The following VASN variants were observed in gnomAD, a reference collection of about 807,000 sequenced individuals.
VASN encodes protein slit-like 2.
In VASN, 5 loss-of-function variants were observed where a neutral mutation model predicts 4.8. The observed-to-expected ratio is 1.03, with a 90% CI of 0.54 to 2.17. The LOEUF (loss-of-function observed/expected upper bound fraction) is 2.17. Among genes scored for constraint, VASN ranks in the 30% most tolerant of loss-of-function variants. The probability of loss-of-function intolerance (pLI) is 0.01; values close to 1 mark genes in which losing one functional copy is unlikely to be tolerated. For missense variants in VASN, 927 were observed against 948.8 expected (o/e 0.98, Z 0.30); for synonymous variants, 499 against 460.8 (o/e 1.08, Z -1.06).
rs767568822 is a variant in VASN at position 4,382,164 on chromosome 16, G to A, written c.1287G>A (p.Ala429=). The change falls in exon 2 of 2, where the codon GCG becomes GCA. Residue 429 remains alanine (A), a synonymous_variant. Coordinates refer to ENST00000304735, the MANE Select transcript of VASN (RefSeq NM_138440.3). The stretch of plus-strand genomic sequence containing the variant: ...ACCTGGGGACACGGCACCACCTGGC[G>A]TGCTTGTGCCCCGAAGGCTTCACGG... ...TCHLGTRHHL[A]CLCPEGFTGL... is the part of the protein sequence containing the mutation. 10 of 1,593,796 alleles carry A rather than the reference G, an allele frequency of 6.3e-6. No homozygotes were observed. Among genetic ancestry groups the A allele is most frequent in the African/African-American group, 4.0e-5 (3 of 74,568 alleles).
chr16:4,381,694 A>T lies in VASN; in HGVS notation c.817A>T (p.Asn273Tyr). ...TGCCCTGCAGGAGCTGGATGTGAGC[A>T]ACCTAAGCCTGCAGGCCCTGCCTGG... is the stretch of plus-strand genomic sequence containing the variant. Reference protein sequence around the residue: ...LAALQELDVSNLSLQALPGDL... With the variant: ...LAALQELDVSYLSLQALPGDL... The change falls in exon 2 of 2, where the codon AAC (asparagine) becomes TAC (tyrosine). Residue 273 changes from asparagine (N) to tyrosine (Y), a missense_variant. Transcript: ENST00000304735. 6.2e-7 allele frequency: 1 copy of T among 1,607,784 alleles called. No individual in the cohort carries two copies. Among genetic ancestry groups the T allele is most frequent in the Non-Finnish European group, 8.5e-7 (1 of 1,178,836 alleles).
Position 4,382,883 on chromosome 16 carries a change from C to T in VASN, c.2006C>T (p.Ala669Val). 6.5e-7 allele frequency: 1 copy of T among 1,542,284 alleles called. No homozygotes were observed. The highest frequency in any genetic ancestry group is 8.7e-7 in the Non-Finnish European group (1 of 1,145,556). The stretch of plus-strand genomic sequence containing the variant: ...CCTGGCCTCCAGTCACCCCTCCACG[C>T]AAAGCCCTACATCTAAGCCAGAGAG... ...PGPGLQSPLHAKPYI is the reference protein window; with the variant it reads ...PGPGLQSPLHVKPYI Residue 669 changes from alanine to valine, a missense_variant, in exon 2 of 2, where the codon GCA becomes GTA. Coordinates refer to ENST00000304735, the MANE Select transcript of VASN (RefSeq NM_138440.3).
chr16:4,374,310 C>A (rs899957937), intron 1 of VASN, among the ~76,000 whole-genome samples: 2 of 152,108 alleles, frequency 1.3e-5, no homozygotes, highest in African/African-American at 4.8e-5. Context: ...CGCGCTGGGC[C>A]GCCGGCCTCC....
At position 4,382,233 on chromosome 16, in the gene VASN, C is replaced by G. The variant is rs1361482917; in HGVS notation, c.1356C>G (p.Ser452Arg). Reference protein sequence around the residue: ...ESQMGQGTRPSPTPVTPRPPR... With the variant: ...ESQMGQGTRPRPTPVTPRPPR... Reference sequence around the variant, plus strand: ...AGATGGGGCAGGGGACACGGCCCAGCCCTACACCAGTCACGCCGAGGCCAC... The same window carrying G: ...AGATGGGGCAGGGGACACGGCCCAGGCCTACACCAGTCACGCCGAGGCCAC... The change falls in exon 2 of 2, where the codon AGC (serine) becomes AGG (arginine). Residue 452 changes from serine (S) to arginine (R), a missense_variant. Transcript: ENST00000304735. 6.8e-6 allele frequency: 11 copies of G among 1,606,516 alleles called. No individual in the cohort carries two copies. The highest frequency in any genetic ancestry group is 2.7e-5 in the African/African-American group (2 of 74,858).
At chr16:4,377,473 G>T (rs937853757) in intron 1 of VASN, among the ~76,000 whole-genome samples, 1 of 152,140 alleles carries the variant, frequency 6.6e-6, no homozygotes, top group African/African-American at 2.4e-5. Context: ...CTTGTTAAAA[G>T]AACTTCCCCA....
intron 1 of VASN, among the ~76,000 whole-genome samples, chr16:4,373,979 A>T (rs891460515): frequency 6.6e-6 from 1 of 152,138 alleles, no homozygotes; most frequent in African/African-American, 2.4e-5. Context: ...CTGCCCTTAG[A>T]GTCCCCTCCC....
chr16:4,377,817 T>C (rs1450617886), intron 1 of VASN, among the ~76,000 whole-genome samples: 1 of 152,128 alleles, frequency 6.6e-6, no homozygotes, highest in African/African-American at 2.4e-5. Flanking sequence ...GCAAAAGAGC[T>C]CACCGCACAT....
chr16:4,378,109 T>C (rs1017913790), intron 1 of VASN, among the ~76,000 whole-genome samples: 1 of 152,090 alleles, frequency 6.6e-6, no homozygotes, highest in Non-Finnish European at 1.5e-5. Flanking sequence ...CACGTGCCCC[T>C]AAGAGCTGGC....
chr16:4,381,409 C>T lies in VASN; in HGVS notation c.532C>T (p.His178Tyr). ...CCGCCTGCTGCTGCTGGACCTCAGC[C>T]ACAACAGCCTCCTGGCCCTGGAGCC... Reference protein sequence around the residue: ...LPRLLLLDLSHNSLLALEPGI... With the variant: ...LPRLLLLDLSYNSLLALEPGI... The change falls in exon 2 of 2, where the codon CAC (histidine) becomes TAC (tyrosine). Residue 178 changes from histidine to tyrosine, a missense_variant. Physicochemically the swap from His to Tyr is moderately conservative, Grantham distance 83. Transcript: ENST00000304735. 1 of 1,586,410 alleles carries T rather than the reference C, an allele frequency of 6.3e-7. No homozygotes were observed.
At position 4,382,406 on chromosome 16, in the gene VASN, C is replaced by G. The variant is rs377530491; in HGVS notation, c.1529C>G (p.Thr510Arg). The change falls in exon 2 of 2, where the codon ACG (threonine) becomes AGG (arginine). Residue 510 changes from threonine to arginine, a missense_variant. By Grantham distance (71) the Thr-to-Arg change is moderately conservative. Coordinates refer to ENST00000304735, the MANE Select transcript of VASN (RefSeq NM_138440.3). ...TCGGGCCCTGATAAGCGGCTGGTGA[C>G]GCTGCGACTGCCTGCCTCGCTCGCT... Reference protein sequence around the residue: ...NLSGPDKRLVTLRLPASLAEY... With the variant: ...NLSGPDKRLVRLRLPASLAEY... 2 of 1,611,704 alleles carry G rather than the reference C, an allele frequency of 1.2e-6. No homozygotes were observed. The highest frequency in any genetic ancestry group is 1.7e-6 in the Non-Finnish European group (2 of 1,179,676).
At chr16:4,372,419 G>A (rs1211821798) in intron 1 of VASN, among the ~76,000 whole-genome samples, 2 of 152,232 alleles carry the variant, frequency 1.3e-5, no homozygotes, top group Non-Finnish European at 2.9e-5. Context: ...AGGGCTGCCC[G>A]GGGTCCTCTG....
At chr16:4,375,283 A>T (rs1233592973) in intron 1 of VASN, among the ~76,000 whole-genome samples, 2 of 151,926 alleles carry the variant, frequency 1.3e-5, no homozygotes, top group Non-Finnish European at 2.9e-5. Context: ...AGGAGGGAAG[A>T]CCCTGTGCCT....
intron 1 of VASN, among the ~76,000 whole-genome samples, chr16:4,374,541 G>T (rs1282169432): frequency 1.3e-5 from 2 of 152,074 alleles, no homozygotes; most frequent in Non-Finnish European, 2.9e-5. Context: ...GAGGGAGCCG[G>T]CCTACACCGG....
chr16:4,380,668 G>A (rs965546135), intron 1 of VASN, among the ~76,000 whole-genome samples: 1 of 152,246 alleles, frequency 6.6e-6, no homozygotes, highest in African/African-American at 2.4e-5. Context: ...ACCTCTGTGT[G>A]CATTGACAAG....
At chr16:4,376,628 C>G (rs2054740701) in intron 1 of VASN, among the ~76,000 whole-genome samples, 1 of 152,126 alleles carries the variant, frequency 6.6e-6, no homozygotes, top group South Asian at 2.1e-4. Flanking sequence ...ATCCCCTGGC[C>G]CGTCCCCGCC....
At chr16:4,372,913 G>A (rs943695565) in intron 1 of VASN, among the ~76,000 whole-genome samples, 1 of 152,184 alleles carries the variant, frequency 6.6e-6, no homozygotes, top group African/African-American at 2.4e-5. Context: ...TCTGGAGAGA[G>A]GCAGCGGGAC....
Position 4,381,452 on chromosome 16 carries a change from C to T in VASN, c.575C>T (p.Ala192Val), listed in dbSNP as rs1254997355. The change falls in exon 2 of 2, where the codon GCC (alanine) becomes GTC (valine). Residue 192 changes from alanine to valine, a missense_variant. Ala to Val is a moderately conservative substitution (Grantham distance 64, BLOSUM62 0). Transcript: ENST00000304735. ...CTGGAGCCCGGCATCCTGGACACTG[C>T]CAACGTGGAGGCGCTGCGGCTGGCT... ...LALEPGILDT[A>V]NVEALRLAGL... 6.3e-7 allele frequency: 1 copy of T among 1,580,360 alleles called. No homozygotes were observed. Among genetic ancestry groups the T allele is most frequent in the Non-Finnish European group, 8.6e-7 (1 of 1,164,942 alleles).
At chr16:4,380,413 G>C (rs113620827) in intron 1 of VASN, among the ~76,000 whole-genome samples, 1 of 152,248 alleles carries the variant, frequency 6.6e-6, no homozygotes, top group Admixed American at 6.5e-5. Flanking sequence ...GAGCGTGGCA[G>C]CAGGAGCCGG....
intron 1 of VASN, among the ~76,000 whole-genome samples, 176 bp from the exon 2 acceptor site, chr16:4,380,693 G>GCCCC (rs2054924773): frequency 1.3e-5 from 2 of 152,250 alleles, no homozygotes; most frequent in Non-Finnish European, 2.9e-5. Flanking sequence ...CACAGTGAGG[G>GCCCC]AGTGACGGGG....
Sources: allele counts gnomAD v4.1 joint callset (sites outside exome capture counted in the v4.1 genomes callset), GRCh38; gene constraint gnomAD v4.1.1; transcripts MANE v1.5; gene names NCBI Gene and HGNC (gene_info 2026-07-23, HGNC 2026-07-21).